Variants in IL2RB observed in about 807,000 individuals in gnomAD.
IL2RB encodes the protein interleukin 2 receptor subunit beta.
In IL2RB, 17 loss-of-function variants were observed where a neutral mutation model predicts 44.2. The ratio of observed to expected loss-of-function variants is 0.38; its 90% CI spans 0.26 to 0.58. IL2RB has a LOEUF of 0.58. Among genes scored for constraint, IL2RB ranks in the 20% least tolerant of loss-of-function variants. The pLI is 0.63. For missense variants in IL2RB, 624 were observed against 685.5 expected (o/e 0.91, Z 1.00); for synonymous variants, 286 against 297.9 (o/e 0.96, Z 0.41).
In IL2RB at chr22:37,149,890, C is replaced by T. The variant is rs1922404223; in HGVS notation, c.-99G>A. On this transcript the variant is annotated 5_prime_UTR_variant, in exon 1 of 10. It removes an upstream start codon present in the reference 5' UTR. Transcript: ENST00000216223. ...TCCTCCCCGGTGCTGGGACCGTGGC[C>T]ATCTCTCCAGGGCCCTGCTGAGCTC... 6.1e-6 allele frequency: 6 copies of T among 985,668 alleles called. No homozygotes were observed. The South Asian group carries it at 1.9e-4, about 31-fold the overall frequency. 61.1% of individuals were successfully genotyped at this position (985,668 alleles called of 1,614,324 possible). A position where few individuals can be genotyped will look rare whatever the true frequency, so the allele number is the denominator to read the frequency against.
Position 37,128,334 on chromosome 22 carries a change from C to T in IL2RB, c.1418G>A (p.Gly473Glu), listed in dbSNP as rs2146223395. The T allele has an allele frequency of 1.3e-6, 2 of 1,502,022 alleles. No homozygotes were observed. Among genetic ancestry groups the T allele is most frequent in the East Asian group, 2.3e-5 (1 of 42,898 alleles). 93.0% of individuals were successfully genotyped at this position (1,502,022 alleles called of 1,614,324 possible). Residue 473 changes from glycine (G) to glutamate (E), a missense_variant, in exon 10 of 10, where the codon GGG becomes GAG. Gly to Glu is a moderately conservative substitution (Grantham distance 98). Transcript: ENST00000216223. The surrounding 1 kb of genome is among the most constrained non-coding windows in gnomAD (Gnocchi z 4.5). Reference sequence around the variant, plus strand: ...GTCTGGGACTCCTGGGGTGGGAGGCCCCAGGGGCTGGGGGTCCCAGTCTCT... The same window carrying T: ...GTCTGGGACTCCTGGGGTGGGAGGCTCCAGGGGCTGGGGGTCCCAGTCTCT... ...VPRDWDPQPL[G>E]PPTPGVPDLV... is the part of the protein sequence containing the mutation.
chr22:37,150,430 T>G (rs1225346246), upstream of IL2RB, among the ~76,000 whole-genome samples: 1 of 151,916 alleles, frequency 6.6e-6, no homozygotes, highest in Non-Finnish European at 1.5e-5. Flanking sequence ...GAGATGACTG[T>G]TTTTTTTAGT....
chr22:37,141,664 G>A lies in IL2RB; in HGVS notation c.282+770C>T, dbSNP rs950198674. ...AGTGCCCACTCCAATCTCAGAGCGGGACCAAGCCCAGGCACTACCACAGCC... is the reference window on the plus strand; with the variant it reads ...AGTGCCCACTCCAATCTCAGAGCGGAACCAAGCCCAGGCACTACCACAGCC... On this transcript the variant is annotated intron_variant, in intron 4 of 9. Transcript: ENST00000216223. The surrounding 1 kb of genome is among the most constrained non-coding windows in gnomAD (Gnocchi z 4.4). Among the ~76,000 whole-genome samples, 3 of 152,164 alleles carry A rather than the reference G, an allele frequency of 2.0e-5. No individual in the cohort carries two copies. The highest frequency in any genetic ancestry group is 2.9e-5 in the Non-Finnish European group (2 of 68,010).
chr22:37,168,069 T>C (rs1028264664), intron 1 of IL2RB, among the ~76,000 whole-genome samples: 1 of 152,210 alleles, frequency 6.6e-6, no homozygotes, highest in African/African-American at 2.4e-5. Context: ...TCTCTTGGTA[T>C]GGAGGTAGGA....
At chr22:37,137,977 A>G (rs1474652316) in intron 5 of IL2RB, among the ~76,000 whole-genome samples, 2 of 152,108 alleles carry the variant, frequency 1.3e-5, no homozygotes, top group African/African-American at 4.8e-5. Flanking sequence ...CCCAGTGCTT[A>G]TCATCACCTG....
rs1921470261 is a variant in IL2RB at position 37,132,258 on chromosome 22, C to T, written c.903+126G>A. Reference sequence around the variant, plus strand: ...GAGCTGGAGAAGAGACCCATGCACACCCCGGAGGCTGCTCACTTCGGCGTT... The same window carrying T: ...GAGCTGGAGAAGAGACCCATGCACATCCCGGAGGCTGCTCACTTCGGCGTT... On this transcript the variant is annotated intron_variant, in intron 9 of 9. Coordinates refer to ENST00000216223, the MANE Select transcript of IL2RB (RefSeq NM_000878.5). 7.4e-6 allele frequency: 5 copies of T among 678,506 alleles called. No homozygotes were observed. In the South Asian group the frequency reaches 8.7e-5, roughly 12 times the overall value. The allele number at this position is 678,506 out of a possible 1,614,324, so 42.0% of individuals were successfully genotyped here.
At chr22:37,138,953 G>T (rs1473044307) in intron 5 of IL2RB, 164 bp downstream of exon 5, 2 of 590,038 alleles carry the variant, frequency 3.4e-6, no homozygotes, top group Non-Finnish European at 6.1e-6. Flanking sequence ...GAATGCCAGA[G>T]GAAGGAGCCA....
intron 1 of IL2RB, among the ~76,000 whole-genome samples, chr22:37,145,607 G>A (rs1427193722): frequency 1.3e-5 from 2 of 151,950 alleles, no homozygotes; most frequent in Non-Finnish European, 2.9e-5. Flanking sequence ...TGGTCACTTC[G>A]GGAAGATAAG....
chr22:37,151,311 T>C (rs1184419818), upstream of IL2RB, among the ~76,000 whole-genome samples: 2 of 152,234 alleles, frequency 1.3e-5, no homozygotes, highest in East Asian at 1.9e-4. Context: ...TTGACATGCA[T>C]TTCTCTGATG....
intron 4 of IL2RB, among the ~76,000 whole-genome samples, chr22:37,140,078 C>A (rs568908304): frequency 8.7e-4 from 133 of 152,332 alleles, no homozygotes; most frequent in African/African-American, 3.1e-3. Context: ...TAGTGCAGGC[C>A]TCTTAGGATC....
intron 7 of IL2RB, among the ~76,000 whole-genome samples, chr22:37,135,871 C>A (rs1419456287): frequency 1.3e-5 from 2 of 152,210 alleles, no homozygotes; most frequent in Non-Finnish European, 1.5e-5. Flanking sequence ...GGACATCACA[C>A]GCCTTCCTCA....
chr22:37,143,540 G>A lies in IL2RB; in HGVS notation c.184C>T (p.His62Tyr), dbSNP rs185863845. Reference sequence around the variant, plus strand: ...ACTCACCGTCTGTCCGGCCAGGCATGGACTTGGCAGGAAGTGTCCTGCAGA... The same window carrying A: ...ACTCACCGTCTGTCCGGCCAGGCATAGACTTGGCAGGAAGTGTCCTGCAGA... ...GALQDTSCQV[H>Y]AWPDRRRWNQ... The change falls in exon 3 of 10, where the codon CAT (histidine) becomes TAT (tyrosine). Residue 62 changes from histidine to tyrosine, a missense_variant. His to Tyr is a moderately conservative substitution (Grantham distance 83, BLOSUM62 2). This residue lies in a region of IL2RB where 255 missense variants were observed against 339.9 expected (regional missense o/e 0.75). Coordinates refer to ENST00000216223, the MANE Select transcript of IL2RB (RefSeq NM_000878.5). The A allele has an allele frequency of 1.2e-6, 2 of 1,612,686 alleles. No individual in the cohort carries two copies. Among genetic ancestry groups the A allele is most frequent in the Non-Finnish European group, 1.7e-6 (2 of 1,178,726 alleles).
chr22:37,160,679 CAA>C (rs10605445), intron 1 of IL2RB, among the ~76,000 whole-genome samples: 33,085 of 135,828 alleles, frequency 0.24, 4,024 homozygotes, highest in Non-Finnish European at 0.3. Context: ...CTGTCTATGC[CAA>C]AAAAAAAAAA....
At chr22:37,173,831 G>A (rs1923365214) in intron 1 of IL2RB, among the ~76,000 whole-genome samples, 1 of 152,208 alleles carries the variant, frequency 6.6e-6, no homozygotes, top group Non-Finnish European at 1.5e-5. Context: ...GAAGCCTCGT[G>A]AGCAGAGCCA....
intron 1 of IL2RB, 140 bp from the exon 2 acceptor site, chr22:37,144,345 T>C (rs1008458269): frequency 9.7e-7 from 1 of 1,035,490 alleles, no homozygotes. Flanking sequence ...CCAGGGCCTT[T>C]GCACCTGCTA....
chr22:37,172,279 C>G (rs533767452), intron 1 of IL2RB, among the ~76,000 whole-genome samples: 2 of 151,870 alleles, frequency 1.3e-5, no homozygotes, highest in African/African-American at 4.8e-5. Context: ...CCAACCAAAC[C>G]TGCAGGAAGG....
chr22:37,157,271 C>T (rs902497138), intron 1 of IL2RB, among the ~76,000 whole-genome samples: 31 of 152,300 alleles, frequency 2.0e-4, no homozygotes, highest in African/African-American at 7.2e-4. Flanking sequence ...GCGCCCCACC[C>T]ACCAGTCCCC....
upstream of IL2RB, among the ~76,000 whole-genome samples, chr22:37,152,212 C>G (rs143235079): frequency 1.0e-3 from 154 of 152,236 alleles, 1 homozygote; most frequent in East Asian, 5.2e-3. Flanking sequence ...CATAGAATAT[C>G]TTTTTATTTT....
intron 1 of IL2RB, chr22:37,166,666 G>C (rs772614749): frequency 1.3e-5 from 2 of 152,242 alleles, no homozygotes. Flanking sequence ...GAAAACAGCA[G>C]GGCACAATGA....
Sources: allele counts gnomAD v4.1 joint callset (sites outside exome capture counted in the v4.1 genomes callset), GRCh38; gene constraint gnomAD v4.1.1; regional missense constraint gnomAD v4.1.1; non-coding constraint Gnocchi (gnomAD v3.1); transcripts MANE v1.5; gene names NCBI Gene and HGNC (gene_info 2026-07-23, HGNC 2026-07-21).